The following ATP1A4 variants were observed in gnomAD, a reference collection of about 807,000 sequenced individuals.
The protein encoded by ATP1A4 is sodium/potassium-transporting ATPase subunit alpha-4.
A neutral mutation model predicts 114.3 loss-of-function variants in ATP1A4; 90 were observed. The observed-to-expected ratio is 0.79, with a 90% CI of 0.66 to 0.94. The LOEUF (loss-of-function observed/expected upper bound fraction) is 0.94, where lower values mean the gene tolerates loss of function less well. Among genes scored for constraint, ATP1A4 ranks in the 40% least tolerant of loss-of-function variants. ATP1A4 has a pLI of 0.00. For synonymous variants in ATP1A4, 511 were observed against 494.1 expected (o/e 1.03, Z -0.45); for missense variants, 1,222 against 1,313.6 (o/e 0.93, Z 1.08).
chr1:160,167,199 C>T (rs1653072491), intron 9 of ATP1A4, 79 bp from the exon 10 acceptor site: 2 of 1,567,270 alleles, frequency 1.3e-6, no homozygotes, highest in Non-Finnish European at 1.7e-6. Context: ...CATTTGTCCC[C>T]TCTCCATGTT....
In ATP1A4 at chr1:160,154,931, A is replaced by G. The variant is rs569686469; in HGVS notation, c.208-114A>G. 445 of 940,312 alleles carry G rather than the reference A, an allele frequency of 4.7e-4. 4 individuals are homozygous for G. In the South Asian group the frequency reaches 7.1e-3, roughly 15 times the overall value. 58.2% of individuals were successfully genotyped at this position (940,312 alleles called of 1,614,324 possible). ...GAAGAACTTCCAGACTGACCTTCTG[A>G]AAGCGTCTTTAGTCTCTAGACCCAT... On this transcript the variant is annotated intron_variant, in intron 2 of 21. Transcript: ENST00000368081.
At position 160,171,192 on chromosome 1, in the gene ATP1A4, T is replaced by G. The variant is rs931959160; in HGVS notation, c.1492-59T>G. The stretch of plus-strand genomic sequence containing the variant: ...TACCTTTGAAACCTTCCCCTTCTTT[T>G]TGCCCCTGATCCTTGGTCTCTCCTC... On this transcript the variant is annotated intron_variant, in intron 10 of 21. Coordinates refer to ENST00000368081, the MANE Select transcript of ATP1A4 (RefSeq NM_144699.4). 3.3e-5 allele frequency: 48 copies of G among 1,463,852 alleles called. 1 individual carries two copies. The South Asian group carries it at 6.4e-4, about 19-fold the overall frequency. The allele number at this position is 1,463,852 out of a possible 1,614,324, so 90.7% of individuals were successfully genotyped here.
Position 160,181,689 on chromosome 1 carries a change from T to C in ATP1A4, c.2742T>C (p.Tyr914=). 1.9e-6 allele frequency: 3 copies of C among 1,614,174 alleles called. No homozygotes were observed. The highest frequency in any genetic ancestry group is 2.5e-6 in the Non-Finnish European group (3 of 1,180,022). Residue 914 remains tyrosine, a synonymous_variant, in exon 19 of 22, where the codon TAT becomes TAC. Transcript: ENST00000368081. ...LEDSYGQQWT[Y]EQRKVVEFTC... is the part of the protein sequence containing the mutation. ...TCTCTCCCTGCTGTCTCTAGACCTA[T>C]GAGCAACGAAAAGTTGTGGAGTTCA...
chr1:160,152,330 A>T (rs1571006367), intron 1 of ATP1A4, 143 bp downstream of exon 1: 4 of 117,664 alleles, frequency 3.4e-5, no homozygotes, highest in Non-Finnish European at 5.6e-5. Flanking sequence ...GGAGAGGGTT[A>T]AAAAAAAAAA....
chr1:160,168,606 A>G (rs1653127358), intron 10 of ATP1A4, among the ~76,000 whole-genome samples: 1 of 151,078 alleles, frequency 6.6e-6, no homozygotes, highest in Non-Finnish European at 1.5e-5. Flanking sequence ...CTGGTCTTGA[A>G]CTCCTGACCT....
intron 4 of ATP1A4, among the ~76,000 whole-genome samples, chr1:160,158,681 G>C (rs1015298159): frequency 6.6e-6 from 1 of 152,084 alleles, no homozygotes; most frequent in African/African-American, 2.4e-5. Context: ...GTCACGGCCT[G>C]AAAGCACTTT....
chr1:160,153,623 T>C (rs965614390), intron 2 of ATP1A4, among the ~76,000 whole-genome samples: 1 of 152,134 alleles, frequency 6.6e-6, no homozygotes, highest in Non-Finnish European at 1.5e-5. Flanking sequence ...ATAACAAAAA[T>C]AAAGTTATCA....
chr1:160,166,312 T>C (rs1173646978), intron 7 of ATP1A4, among the ~76,000 whole-genome samples: 3 of 152,178 alleles, frequency 2.0e-5, no homozygotes, highest in African/African-American at 7.2e-5. Flanking sequence ...AAATACACTC[T>C]TTTTTGAAAC....
At chr1:160,186,472 C>T (rs1571042235) in intron 21 of ATP1A4, 105 bp downstream of exon 21, 3 of 1,105,526 alleles carry the variant, frequency 2.7e-6, no homozygotes. Flanking sequence ...TTTCTCCCCT[C>T]CTCGCTGCCA....
intron 6 of ATP1A4, among the ~76,000 whole-genome samples, chr1:160,159,984 G>T (rs1210536596): frequency 6.6e-6 from 1 of 152,126 alleles, no homozygotes. Flanking sequence ...AATTACCAGA[G>T]GTGCCACTTA....
intron 2 of ATP1A4, 106 bp downstream of exon 2, chr1:160,153,330 C>G: frequency 1.0e-6 from 1 of 974,070 alleles, no homozygotes; most frequent in Admixed American, 2.0e-5. Flanking sequence ...TCAAGTCCAA[C>G]GTTCCCACCC....
intron 12 of ATP1A4, 142 bp from the exon 13 acceptor site, chr1:160,173,439 G>A (rs753628798): frequency 8.3e-7 from 1 of 1,199,134 alleles, no homozygotes; most frequent in Non-Finnish European, 1.2e-6. Flanking sequence ...ATGGTTTTTG[G>A]TCTACACCAC....
At chr1:160,159,556 T>G in intron 6 of ATP1A4, 30 bp downstream of exon 6, 1 of 1,564,922 alleles carries the variant, frequency 6.4e-7, no homozygotes, top group Non-Finnish European at 8.7e-7. Flanking sequence ...TAGCATAGAT[T>G]CAAAAGCAGG....
In ATP1A4 at chr1:160,181,750, G is replaced by A. The variant is rs777642323; in HGVS notation, c.2803G>A (p.Val935Met). ...QTAFFVTIVVVQWADLIISKT... is the reference protein window; with the variant it reads ...QTAFFVTIVVMQWADLIISKT... ...GGCCTTTTTTGTCACCATCGTGGTT[G>A]TGCAGTGGGCGGATCTCATCATCTC... The change falls in exon 19 of 22, where the codon GTG (valine) becomes ATG (methionine). Residue 935 changes from valine (V) to methionine (M), a missense_variant. Physicochemically the swap from Val to Met is conservative, Grantham distance 21 (BLOSUM62 1). Transcript: ENST00000368081. 14 of 1,613,926 alleles carry A rather than the reference G, an allele frequency of 8.7e-6. No homozygotes were observed. Among genetic ancestry groups the A allele is most frequent in the Non-Finnish European group, 1.2e-5 (14 of 1,180,038 alleles).
At chr1:160,185,708 C>T (rs1448322730) in intron 20 of ATP1A4, among the ~76,000 whole-genome samples, 2 of 151,784 alleles carry the variant, frequency 1.3e-5, no homozygotes, top group Non-Finnish European at 2.9e-5. Flanking sequence ...ATCACAAGGT[C>T]TGGAGTTCGA....
At chr1:160,168,377 CT>C (rs11397218) in intron 10 of ATP1A4, among the ~76,000 whole-genome samples, 3,903 of 96,980 alleles carry the variant, frequency 0.04, 108 homozygotes, top group African/African-American at 0.15. Flanking sequence ...CTGCTGGTAT[CT>C]TTTTTTTTTT....
At chr1:160,153,274 G>A (rs1558015520) in intron 2 of ATP1A4, 50 bp downstream of exon 2, 1 of 1,537,598 alleles carries the variant, frequency 6.5e-7, no homozygotes, top group South Asian at 1.1e-5. Flanking sequence ...CTCTGACTGT[G>A]AGGCTGCCAG....
chr1:160,173,054 G>C (rs796309719), intron 12 of ATP1A4, among the ~76,000 whole-genome samples: 1 of 152,172 alleles, frequency 6.6e-6, no homozygotes, highest in Non-Finnish European at 1.5e-5. Context: ...GTGAAAGCAC[G>C]TGGCCTGGGT....
chr1:160,167,673 T>G (rs995492352), intron 10 of ATP1A4, among the ~76,000 whole-genome samples: 1 of 152,196 alleles, frequency 6.6e-6, no homozygotes, highest in African/African-American at 2.4e-5. Flanking sequence ...AAGCGAGTCA[T>G]AAAATCCTCT....
Sources: gnomAD v4.1 joint callset for allele counts (sites outside exome capture counted in the v4.1 genomes callset) on GRCh38, gnomAD v4.1.1 for gene constraint, MANE v1.5 for transcripts, NCBI Gene and HGNC (gene_info 2026-07-23, HGNC 2026-07-21) for gene names.